The following HMGB1 variants were observed in gnomAD, a reference collection of about 807,000 sequenced individuals.
HMGB1 encodes high mobility group protein B1.
For missense variants in HMGB1, 79 were observed against 253.5 expected (o/e 0.31, Z 4.67); for synonymous variants, 81 against 84.0 (o/e 0.96, Z 0.19).
At chr13:30,483,640 G>C (rs1344421859) in intron 1 of HMGB1, among the ~76,000 whole-genome samples, 2 of 143,340 alleles carry the variant, frequency 1.4e-5, no homozygotes, top group African/African-American at 5.2e-5. Flanking sequence ...TTTGAGTCAG[G>C]GTCTCCCTTT....
chr13:30,617,346 C>T (rs1325349797), exon 1 of HMGB1: 1 of 152,230 alleles, frequency 6.6e-6, no homozygotes, highest in East Asian at 1.9e-4. Context: ...CCTTTGTGAA[C>T]ATGCACTCTG....
intron 1 of HMGB1, among the ~76,000 whole-genome samples, chr13:30,601,440 C>T (rs935784201): frequency 6.6e-6 from 1 of 152,092 alleles, no homozygotes; most frequent in African/African-American, 2.4e-5. Flanking sequence ...GTTTTAGTGT[C>T]CTCACTTTAA....
chr13:30,607,473 TC>T (rs1224293707), intron 1 of HMGB1, among the ~76,000 whole-genome samples: 1 of 152,184 alleles, frequency 6.6e-6, no homozygotes, highest in Admixed American at 6.5e-5. Flanking sequence ...GTGCCTTGCT[TC>T]CCCTTTGCCT....
chr13:30,599,969 G>T (rs935431492), intron 1 of HMGB1, among the ~76,000 whole-genome samples: 1 of 152,102 alleles, frequency 6.6e-6, no homozygotes, highest in African/African-American at 2.4e-5. Context: ...AAATAATATA[G>T]CATGATGATC....
At chr13:30,513,024 G>A (rs755389936) in intron 1 of HMGB1, among the ~76,000 whole-genome samples, 3 of 152,098 alleles carry the variant, frequency 2.0e-5, no homozygotes, top group African/African-American at 7.2e-5. Context: ...TTAGCAAGGC[G>A]TGATGGTGGA....
At chr13:30,554,789 A>G in intron 1 of HMGB1, 2 of 766,080 alleles carry the variant, frequency 2.6e-6, no homozygotes, top group Non-Finnish European at 4.9e-6. Flanking sequence ...AGAACGAACA[A>G]AAAAGAAAAA....
intron 1 of HMGB1, among the ~76,000 whole-genome samples, chr13:30,583,263 T>G (rs984880612): frequency 6.6e-6 from 1 of 152,122 alleles, no homozygotes; most frequent in African/African-American, 2.4e-5. Context: ...CCAGGTGTGA[T>G]GGTTCATGCC....
At position 30,524,577 on chromosome 13, in the gene HMGB1, G is replaced by C. The variant is rs146693409; in HGVS notation, c.-14-60883C>G. On this transcript the variant is annotated intron_variant, in intron 1 of 4. Transcript: ENST00000405805. ...AGGTGCCTGTAATCCCAGCTACTTG[G>C]GAGGCTGAGGCAGGAGAATCATTTG... Among the ~76,000 whole-genome samples the C allele has an allele frequency of 2.3e-3, 353 of 152,138 alleles. 1 individual carries two copies. Among genetic ancestry groups the C allele is most frequent in the African/African-American group, 8.1e-3 (337 of 41,516 alleles).
At chr13:30,584,334 C>T (rs1871049548) in intron 1 of HMGB1, among the ~76,000 whole-genome samples, 1 of 152,180 alleles carries the variant, frequency 6.6e-6, no homozygotes, top group Non-Finnish European at 1.5e-5. Context: ...CTCCTCCACC[C>T]ATTATATAAT....
Position 30,460,754 on chromosome 13 carries a change from T to C in HMGB1, c.*603A>G. 1 of 147,862 alleles carries C rather than the reference T, an allele frequency of 6.8e-6. No homozygotes were observed. Among genetic ancestry groups the C allele is most frequent in the South Asian group, 2.2e-4 (1 of 4,478 alleles). 9.2% of individuals were successfully genotyped at this position (147,862 alleles called of 1,614,324 possible). A position where few individuals can be genotyped will look rare whatever the true frequency, so the allele number is the denominator to read the frequency against. ...TACCCCCATTATGATATGCAGGGTG[T>C]GTAGACAAAAGCTTTTTATTAGCTA... On this transcript the variant is annotated 3_prime_UTR_variant, in exon 5 of 5. Transcript: ENST00000341423.
intron 1 of HMGB1, chr13:30,464,790 TGA>T (rs1382079901): frequency 9.6e-5 from 21 of 217,862 alleles, no homozygotes; most frequent in African/African-American, 4.1e-4. Flanking sequence ...TGTGTGTGTA[TGA>T]GAGAGTGTGT....
In HMGB1 at chr13:30,461,384, A is replaced by C. The variant is rs144063767; in HGVS notation, c.621T>G (p.Asp207Glu). 4.5e-6 allele frequency: 7 copies of C among 1,564,322 alleles called. No individual in the cohort carries two copies. Among genetic ancestry groups the C allele is most frequent in the South Asian group, 2.4e-5 (2 of 82,686 alleles). The change falls in exon 5 of 5, where the codon GAT (aspartate) becomes GAG (glutamate). Residue 207 changes from aspartate to glutamate, a missense_variant. Transcript: ENST00000341423. ...EEEEEDEEDE[D>E]EEEDDDDE ...ATTCATCATCATCATCTTCTTCTTC[A>C]TCTTCATCTTCTTCATCTTCCTCCT...
chr13:30,580,260 CTT>C (rs1870841489), intron 1 of HMGB1, among the ~76,000 whole-genome samples: 1 of 152,196 alleles, frequency 6.6e-6, no homozygotes. Flanking sequence ...ATAAGTTCTG[CTT>C]TGTTAGCCAG....
At chr13:30,570,529 C>T (rs1050671444) in intron 1 of HMGB1, among the ~76,000 whole-genome samples, 8 of 152,216 alleles carry the variant, frequency 5.3e-5, no homozygotes, top group African/African-American at 1.2e-4. Flanking sequence ...TGCATCCACA[C>T]GCTGACACAT....
In HMGB1 at chr13:30,556,499, A is replaced by G. The variant is rs185208313; in HGVS notation, c.-15+60172T>C. 2.4e-3 allele frequency among the ~76,000 whole-genome samples: 361 copies of G among 152,354 alleles called. 1 individual carries two copies. Among genetic ancestry groups the G allele is most frequent in the African/African-American group, 8.3e-3 (344 of 41,588 alleles). Reference sequence around the variant, plus strand: ...ACTATTCTCAATAGCCAAGATATGGAGTCAACCTAGGTGTCCAACAACAGA... The same window carrying G: ...ACTATTCTCAATAGCCAAGATATGGGGTCAACCTAGGTGTCCAACAACAGA... On this transcript the variant is annotated intron_variant, in intron 1 of 4. Transcript: ENST00000405805.
At chr13:30,535,737 A>G (rs1399608479) in intron 1 of HMGB1, among the ~76,000 whole-genome samples, 1 of 152,184 alleles carries the variant, frequency 6.6e-6, no homozygotes, top group East Asian at 1.9e-4. Flanking sequence ...TAAAAATACA[A>G]AAATTAGCCA....
At chr13:30,506,672 C>T (rs751269692) in intron 1 of HMGB1, among the ~76,000 whole-genome samples, 7 of 152,290 alleles carry the variant, frequency 4.6e-5, no homozygotes, top group Non-Finnish European at 1.0e-4. Context: ...TCAGCCTTCC[C>T]TTCTCTCCAG....
intron 1 of HMGB1, among the ~76,000 whole-genome samples, chr13:30,481,308 A>G (rs1649768782): frequency 7.2e-6 from 1 of 137,934 alleles, no homozygotes; most frequent in African/African-American, 2.7e-5. Flanking sequence ...CTGCTACAGC[A>G]ACAGAAAAAG....
intron 1 of HMGB1, among the ~76,000 whole-genome samples, chr13:30,510,503 C>A (rs1337089337): frequency 6.6e-6 from 1 of 152,132 alleles, no homozygotes; most frequent in South Asian, 2.1e-4. Flanking sequence ...ACTAAACTTA[C>A]CAGCCCCAGT....
Sources: allele counts gnomAD v4.1 joint callset (sites outside exome capture counted in the v4.1 genomes callset), GRCh38; gene constraint gnomAD v4.1.1; transcripts MANE v1.5; gene names NCBI Gene and HGNC (gene_info 2026-07-23, HGNC 2026-07-21).